TNFRSF11B: variants seen among roughly 807,000 people sequenced by gnomAD.
TNFRSF11B encodes the protein tumor necrosis factor receptor superfamily member 11B.
A neutral mutation model predicts 43.4 loss-of-function variants in TNFRSF11B; 16 were observed. That is an observed-to-expected ratio of 0.37 (90% confidence interval 0.25 to 0.56). The LOEUF is 0.56. TNFRSF11B is among the 20% of genes least tolerant of loss of function. TNFRSF11B has a pLI of 0.80. For synonymous variants in TNFRSF11B, 185 were observed against 181.8 expected (o/e 1.02, Z -0.14); for missense variants, 444 against 490.1 (o/e 0.91, Z 0.89).
intron 3 of TNFRSF11B, 31 bp from the exon 4 acceptor site, chr8:118,926,749 T>C (rs1291041859): frequency 1.3e-6 from 2 of 1,578,630 alleles, no homozygotes; most frequent in Non-Finnish European, 1.7e-6. Context: ...CCAGAAGATT[T>C]ACTCAACAAT....
intron 2 of TNFRSF11B, chr8:118,930,759 C>A (rs1812317087): frequency 2.3e-6 from 1 of 438,948 alleles, no homozygotes; most frequent in Non-Finnish European, 4.5e-6. Context: ...CTTGGGTCTT[C>A]TCCTGCATCC....
At chr8:118,949,017 C>G (rs566176777) in intron 1 of TNFRSF11B, among the ~76,000 whole-genome samples, 2 of 152,138 alleles carry the variant, frequency 1.3e-5, no homozygotes, top group Non-Finnish European at 2.9e-5. Flanking sequence ...GGTTCCGATA[C>G]TACTTGATGG....
intron 4 of TNFRSF11B, 66 bp from the exon 5 acceptor site, chr8:118,924,828 C>T: frequency 1.9e-6 from 3 of 1,601,118 alleles, no homozygotes; most frequent in Non-Finnish European, 1.7e-6. Flanking sequence ...CATCATAAAA[C>T]AAGCGTGAGG....
Position 118,923,613 on chromosome 8 carries a change from A to C in TNFRSF11B, c.*761T>G, listed in dbSNP as rs1318952760. ...ATTTATATAGTTATAAAACCATAAA[A>C]TCTTTTAAATAAGGTACATTCAATT... On this transcript the variant is annotated 3_prime_UTR_variant, in exon 5 of 5. Transcript: ENST00000297350. The C allele has an allele frequency of 2.0e-5, 3 of 152,656 alleles. No homozygotes were observed. The highest frequency in any genetic ancestry group is 7.2e-5 in the African/African-American group (3 of 41,462). The allele number at this position is 152,656 out of a possible 1,614,324, so 9.5% of individuals were successfully genotyped here. A position where few individuals can be genotyped will look rare whatever the true frequency, so the allele number is the denominator to read the frequency against.
chr8:118,939,158 G>T (rs1044999606), intron 1 of TNFRSF11B, among the ~76,000 whole-genome samples: 1 of 152,072 alleles, frequency 6.6e-6, no homozygotes, highest in Non-Finnish European at 1.5e-5. Flanking sequence ...AAGATCTCTC[G>T]GTACTATGAG....
At chr8:118,947,421 T>C (rs1812580777) in intron 1 of TNFRSF11B, among the ~76,000 whole-genome samples, 1 of 152,170 alleles carries the variant, frequency 6.6e-6, no homozygotes, top group South Asian at 2.1e-4. Flanking sequence ...AAATCTGCGC[T>C]TGCAAAGAGC....
At chr8:118,930,680 G>A (rs779608308) in intron 2 of TNFRSF11B, 109 of 429,310 alleles carry the variant, frequency 2.5e-4, no homozygotes, top group Non-Finnish European at 4.5e-4. Flanking sequence ...TCAAACTCTT[G>A]AGATTACAGA....
chr8:118,926,575 A>G lies in TNFRSF11B; in HGVS notation c.736T>C (p.Ser246Pro). 6.2e-7 allele frequency: 1 copy of G among 1,614,032 alleles called. No individual in the cohort carries two copies. Among genetic ancestry groups the G allele is most frequent in the Non-Finnish European group, 8.5e-7 (1 of 1,179,978 alleles). The change falls in exon 4 of 5, where the codon TCA becomes CCA. Residue 246 changes from serine (S) to proline (P), a missense_variant. Physicochemically the swap from Ser to Pro is moderately conservative, Grantham distance 74 (BLOSUM62 -1). Transcript: ENST00000297350. ...AGCAGCTGGAAAGTCTGTTCTTGTGAGCTGTGTTGCCGTTTTATCCTCTCT... is the reference window on the plus strand; with the variant it reads ...AGCAGCTGGAAAGTCTGTTCTTGTGGGCTGTGTTGCCGTTTTATCCTCTCT... The part of the protein sequence containing the change: ...SVERIKRQHS[S>P]QEQTFQLLKL...
chr8:118,939,935 G>C (rs1054301378), intron 1 of TNFRSF11B, among the ~76,000 whole-genome samples: 1 of 152,156 alleles, frequency 6.6e-6, no homozygotes, highest in Non-Finnish European at 1.5e-5. Context: ...TTAAATAAAA[G>C]AGATAGCACA....
At chr8:118,932,780 A>C (rs1235601394) in intron 2 of TNFRSF11B, 151 bp downstream of exon 2, 1 of 956,118 alleles carries the variant, frequency 1.0e-6, no homozygotes, top group Non-Finnish European at 1.6e-6. Context: ...CTTTGGAAGC[A>C]CTCCAGACAC....
intron 1 of TNFRSF11B, among the ~76,000 whole-genome samples, chr8:118,949,346 G>A (rs1470435714): frequency 6.6e-6 from 1 of 152,050 alleles, no homozygotes; most frequent in Non-Finnish European, 1.5e-5. Context: ...CCTCCTCTGA[G>A]TATCATCAGC....
intron 1 of TNFRSF11B, among the ~76,000 whole-genome samples, chr8:118,939,079 A>G (rs1812442721): frequency 6.6e-6 from 1 of 152,180 alleles, no homozygotes; most frequent in South Asian, 2.1e-4. Flanking sequence ...TTTTAAAACC[A>G]TGTCAGTTTA....
In TNFRSF11B at chr8:118,926,657, G is replaced by A. The variant is rs546127798; in HGVS notation, c.654C>T (p.Asn218=). 6.8e-6 allele frequency: 11 copies of A among 1,614,072 alleles called. No individual in the cohort carries two copies. The South Asian group carries it at 1.2e-4, about 18-fold the overall frequency. ...AATTGTCTACCAAGACACTAAGCCAGTTAGGCGTAAACTTTGTAGGAACAG... is the reference window on the plus strand; with the variant it reads ...AATTGTCTACCAAGACACTAAGCCAATTAGGCGTAAACTTTGTAGGAACAG... ...RFAVPTKFTP[N]WLSVLVDNLP... is the part of the protein sequence containing the mutation. Residue 218 remains asparagine, a synonymous_variant, in exon 4 of 5, where the codon AAC becomes AAT. Coordinates refer to ENST00000297350, the MANE Select transcript of TNFRSF11B (RefSeq NM_002546.4).
In TNFRSF11B at chr8:118,951,840, C is replaced by A. The variant is rs560436400; in HGVS notation, c.-19G>T. On this transcript the variant is annotated 5_prime_UTR_variant, in exon 1 of 5. Transcript: ENST00000297350. ...TGTTCATTGTGGTCCCCGGAAACCTCAGGGGCTTGGAGGCGGCGGCTGGGC... is the reference window on the plus strand; with the variant it reads ...TGTTCATTGTGGTCCCCGGAAACCTAAGGGGCTTGGAGGCGGCGGCTGGGC... 27 of 1,583,498 alleles carry A rather than the reference C, an allele frequency of 1.7e-5. No individual in the cohort carries two copies. Among genetic ancestry groups the A allele is most frequent in the Non-Finnish European group, 2.3e-5 (27 of 1,164,630 alleles).
intron 1 of TNFRSF11B, among the ~76,000 whole-genome samples, chr8:118,936,645 C>A (rs1462654145): frequency 6.6e-6 from 1 of 152,036 alleles, no homozygotes; most frequent in East Asian, 1.9e-4. Context: ...CTTAAAAATT[C>A]ATTTCTGTGT....
chr8:118,937,574 A>G (rs974714064), intron 1 of TNFRSF11B, among the ~76,000 whole-genome samples: 1 of 152,260 alleles, frequency 6.6e-6, no homozygotes, highest in Non-Finnish European at 1.5e-5. Context: ...TTCAATTATT[A>G]TGTAAACCAA....
chr8:118,935,141 C>T (rs1277863017), intron 1 of TNFRSF11B, among the ~76,000 whole-genome samples: 1 of 152,148 alleles, frequency 6.6e-6, no homozygotes, highest in Non-Finnish European at 1.5e-5. Context: ...GTGGTCTTTT[C>T]AGGACATTCC....
intron 1 of TNFRSF11B, among the ~76,000 whole-genome samples, chr8:118,936,759 G>A (rs11573886): frequency 0.022 from 3,333 of 152,054 alleles, 113 homozygotes; most frequent in African/African-American, 0.074. Flanking sequence ...CTCCGAGATC[G>A]CGCCACTGCA....
intron 1 of TNFRSF11B, among the ~76,000 whole-genome samples, chr8:118,942,492 A>T (rs1292824820): frequency 1.3e-5 from 2 of 152,104 alleles, no homozygotes; most frequent in Admixed American, 1.3e-4. Context: ...CTAAAACAGA[A>T]TTCAAGCTAA....
Sources: gnomAD v4.1 joint callset for allele counts (sites outside exome capture counted in the v4.1 genomes callset) on GRCh38, gnomAD v4.1.1 for gene constraint, MANE v1.5 for transcripts, NCBI Gene and HGNC (gene_info 2026-07-23, HGNC 2026-07-21) for gene names.